The following NAA20 variants were observed in gnomAD, a reference collection of about 807,000 sequenced individuals.
NAA20 encodes the protein N-alpha-acetyltransferase 20.
NAA20 carries 24 observed loss-of-function variants against 23.8 expected under a neutral mutation model. That is an observed-to-expected ratio of 1.01 (90% CI 0.73 to 1.42). The LOEUF (loss-of-function observed/expected upper bound fraction) is 1.42. Ranked by LOEUF, NAA20 falls within the 40% of genes most tolerant of loss-of-function variation. The probability of loss-of-function intolerance (pLI) is 0.00; values close to 1 mark genes in which losing one functional copy is unlikely to be tolerated. For synonymous variants in NAA20, 83 were observed against 77.7 expected (o/e 1.07, Z -0.36); for missense variants, 166 against 223.1 (o/e 0.74, Z 1.63).
At chr20:20,031,225 A>AT (rs953370457) in intron 4 of NAA20, among the ~76,000 whole-genome samples, 8 of 152,230 alleles carry the variant, frequency 5.3e-5, no homozygotes, top group African/African-American at 1.9e-4. Context: ...GAGTGAGACT[A>AT]TATCTTAGTG....
intron 2 of NAA20, among the ~76,000 whole-genome samples, chr20:20,023,329 G>A (rs1601125928): frequency 1.4e-5 from 2 of 139,548 alleles, no homozygotes; most frequent in East Asian, 2.0e-4. Flanking sequence ...AAAAAAAAAA[G>A]GAGAGTACCT....
chr20:20,028,244 C>T (rs1184501145), intron 4 of NAA20, among the ~76,000 whole-genome samples: 2 of 151,912 alleles, frequency 1.3e-5, no homozygotes, highest in Non-Finnish European at 2.9e-5. Flanking sequence ...AAGTATTTGG[C>T]ATTATTGTAT....
chr20:20,033,209 C>A lies in NAA20; in HGVS notation c.*22C>A. ...ATAACCCTGGGCAGTGGTTCTTAGGCAGATACTCTAGATGCTTTATGGACA... is the reference window on the plus strand; with the variant it reads ...ATAACCCTGGGCAGTGGTTCTTAGGAAGATACTCTAGATGCTTTATGGACA... On this transcript the variant is annotated 3_prime_UTR_variant, in exon 6 of 6. Coordinates refer to ENST00000334982, the MANE Select transcript of NAA20 (RefSeq NM_016100.5). 6.5e-7 allele frequency: 1 copy of A among 1,547,804 alleles called. No homozygotes were observed. Among genetic ancestry groups the A allele is most frequent in the Non-Finnish European group, 8.9e-7 (1 of 1,121,158 alleles).
At chr20:20,017,833 T>C (rs2043242066) in intron 1 of NAA20, 11 of 1,508,872 alleles carry the variant, frequency 7.3e-6, no homozygotes, top group Non-Finnish European at 9.7e-6. Flanking sequence ...CCCTACTGCT[T>C]GCTGGTTCGT....
At chr20:20,021,640 A>T (rs1568745580) in intron 1 of NAA20, among the ~76,000 whole-genome samples, 1 of 152,238 alleles carries the variant, frequency 6.6e-6, no homozygotes, top group Non-Finnish European at 1.5e-5. Context: ...TTTTAGCGTA[A>T]AGGAGTTCTG....
intron 1 of NAA20, among the ~76,000 whole-genome samples, chr20:20,019,110 C>T (rs1322210831): frequency 1.3e-5 from 2 of 152,222 alleles, no homozygotes; most frequent in African/African-American, 4.8e-5. Flanking sequence ...TGAATCGGAA[C>T]CACTTGGTTT....
intron 1 of NAA20, chr20:20,018,865 C>T (rs1956371228): frequency 3.0e-6 from 3 of 985,176 alleles, no homozygotes; most frequent in Non-Finnish European, 3.6e-6. Context: ...GTGAATTGGC[C>T]CAGGTGAGAA....
rs772192152 is a variant in NAA20 at position 20,032,623 on chromosome 20, A to G, written c.421A>G (p.Ser141Gly). Residue 141 changes from serine (S) to glycine (G), a missense_variant, in exon 5 of 6, where the codon AGC becomes GGC. Physicochemically the swap from Ser to Gly is moderately conservative, Grantham distance 56 (BLOSUM62 0). Transcript: ENST00000334982. ...YRTVIEYYSA[S>G]NGEPDEDAYD... is the part of the protein sequence containing the mutation. ...GACGGTCATAGAGTACTATTCGGCC[A>G]GCAACGGGGAGCCTGATGAGGACGC... is the stretch of plus-strand genomic sequence containing the variant. 3.1e-6 allele frequency: 5 copies of G among 1,606,278 alleles called. No individual in the cohort carries two copies. Among genetic ancestry groups the G allele is most frequent in the Non-Finnish European group, 3.4e-6 (4 of 1,176,686 alleles).
At position 20,017,417 on chromosome 20, in the gene NAA20, TACCTGCGACG is replaced by T; in HGVS notation, c.27_36del (p.Asp10SerfsTer41). ...GCGCGATGACCACGCTACGGGCCTT[TACCTGCGACG>T]ACCTGTTCCGCTTCAACAACATGTG... On this transcript the variant is annotated frameshift_variant, in exon 1 of 6. Coordinates refer to ENST00000334982, the MANE Select transcript of NAA20 (RefSeq NM_016100.5). LOFTEE classifies it high-confidence loss of function. 1 of 1,612,032 alleles carries T rather than the reference TACCTGCGACG, an allele frequency of 6.2e-7. No individual in the cohort carries two copies. Among genetic ancestry groups the T allele is most frequent in the East Asian group, 2.2e-5 (1 of 44,764 alleles).
In NAA20 at chr20:20,026,898, T is replaced by G; in HGVS notation, c.284T>G (p.Leu95Ter). Residue 95 changes from leucine to a stop codon, truncating the protein, a stop_gained, in exon 4 of 6, where the codon TTA becomes TGA. Transcript: ENST00000334982. LOFTEE classifies it high-confidence loss of function. The stretch of plus-strand genomic sequence containing the variant: ...GGTTTGGCTGCTAAACTTATGGAGT[T>G]ACTAGAGGAGATTTCAGAAAGGTGA... ...RLGLAAKLME[L>*]LEEISERKGG... 6.2e-7 allele frequency: 1 copy of G among 1,614,208 alleles called. No homozygotes were observed. Among genetic ancestry groups the G allele is most frequent in the Non-Finnish European group, 8.5e-7 (1 of 1,180,016 alleles).
At position 20,017,841 on chromosome 20, in the gene NAA20, C is replaced by A; in HGVS notation, c.53+392C>A. The A allele has an allele frequency of 2.0e-6, 3 of 1,520,240 alleles. No individual in the cohort carries two copies. In the South Asian group the frequency reaches 3.7e-5, roughly 19 times the overall value. 94.2% of individuals were successfully genotyped at this position (1,520,240 alleles called of 1,614,324 possible). ...CGCCCTGCCCTACTGCTTGCTGGTT[C>A]GTGGCCGGGCCGCGCCTCTTCTGGG... On this transcript the variant is annotated intron_variant, in intron 1 of 5. Coordinates refer to ENST00000334982, the MANE Select transcript of NAA20 (RefSeq NM_016100.5).
Position 20,031,635 on chromosome 20 carries a change from C to T in NAA20, c.306-873C>T, listed in dbSNP as rs920303596. ...ATAAGGATAATGACAAGACAAACCA[C>T]AAATTGGAAAAAGATACTTGCAGAC... On this transcript the variant is annotated intron_variant, in intron 4 of 5. Coordinates refer to ENST00000334982, the MANE Select transcript of NAA20 (RefSeq NM_016100.5). 2.0e-5 allele frequency among the ~76,000 whole-genome samples: 3 copies of T among 151,928 alleles called. No individual in the cohort carries two copies. In the East Asian group the frequency reaches 5.8e-4, roughly 29 times the overall value.
intron 1 of NAA20, among the ~76,000 whole-genome samples, chr20:20,020,278 TAGA>T (rs1387400758): frequency 6.6e-6 from 1 of 151,866 alleles, no homozygotes; most frequent in Admixed American, 6.6e-5. Flanking sequence ...CAAAGGAAAA[TAGA>T]AGCAGGGAAG....
chr20:20,022,372 A>AT (rs2043274720), intron 1 of NAA20, 84 bp from the exon 2 acceptor site: 1 of 1,345,570 alleles, frequency 7.4e-7, no homozygotes, highest in Admixed American at 2.3e-5. Flanking sequence ...TCCTTGTGGC[A>AT]TATTACTGTT....
chr20:20,028,069 A>G (rs2043318373), intron 4 of NAA20, among the ~76,000 whole-genome samples: 3 of 152,236 alleles, frequency 2.0e-5, no homozygotes, highest in South Asian at 4.1e-4. Flanking sequence ...ATTAGAGGCA[A>G]AGGAGCTCAA....
chr20:20,017,430 C>A lies in NAA20; in HGVS notation c.34C>A (p.Leu12Met). 1 of 1,611,946 alleles carries A rather than the reference C, an allele frequency of 6.2e-7. No homozygotes were observed. Residue 12 changes from leucine (L) to methionine (M), a missense_variant, in exon 1 of 6, where the codon CTG becomes ATG. By Grantham distance (15) the Leu-to-Met change is conservative. Coordinates refer to ENST00000334982, the MANE Select transcript of NAA20 (RefSeq NM_016100.5). The part of the protein sequence containing the change: ...TTLRAFTCDD[L>M]FRFNNINLDP... ...GCTACGGGCCTTTACCTGCGACGACCTGTTCCGCTTCAACAACATGTGAGT... is the reference window on the plus strand; with the variant it reads ...GCTACGGGCCTTTACCTGCGACGACATGTTCCGCTTCAACAACATGTGAGT...
chr20:20,020,268 C>G (rs756816821), intron 1 of NAA20, among the ~76,000 whole-genome samples: 16 of 152,016 alleles, frequency 1.1e-4, no homozygotes, highest in Non-Finnish European at 1.9e-4. Context: ...TGTTCAGTTA[C>G]AAAGGAAAAT....
chr20:20,019,479 A>G (rs573748702), intron 1 of NAA20, among the ~76,000 whole-genome samples: 145 of 152,372 alleles, frequency 9.5e-4, no homozygotes, highest in Non-Finnish European at 1.6e-3. Flanking sequence ...TTACATGGAA[A>G]TGAATAGAAA....
intron 2 of NAA20, among the ~76,000 whole-genome samples, chr20:20,025,343 C>T (rs1020351386): frequency 1.3e-5 from 2 of 152,080 alleles, no homozygotes; most frequent in Non-Finnish European, 2.9e-5. Flanking sequence ...AGGAGGCAGA[C>T]CGCAAACAAA....
Sources: gnomAD v4.1 joint callset for allele counts (sites outside exome capture counted in the v4.1 genomes callset) on GRCh38, gnomAD v4.1.1 for gene constraint, MANE v1.5 for transcripts, NCBI Gene and HGNC (gene_info 2026-07-23, HGNC 2026-07-21) for gene names.